BTNL2: variants seen among roughly 807,000 people sequenced by gnomAD.
The protein encoded by BTNL2 is butyrophilin-like protein 2.
In BTNL2, 46 loss-of-function variants were observed where a neutral mutation model predicts 46.8. That is an observed-to-expected ratio of 0.98 (90% CI 0.78 to 1.26). The LOEUF is 1.26. BTNL2 is among the 50% of genes most tolerant of loss of function. The pLI is 0.00. For synonymous variants in BTNL2, 226 were observed against 229.1 expected (o/e 0.99, Z 0.12); for missense variants, 461 against 592.6 (o/e 0.78, Z 2.31).
In BTNL2 at chr6:32,396,204, T is replaced by C; in HGVS notation, c.913A>G (p.Met305Val). The part of the protein sequence containing the change: ...MDGDHVAGEQ[M>V]AEYRGRTVLV... ...ACAGTCCTCCCTCTGTACTCTGCCA[T>C]CTGCTCTCCAGCCACATGGTCCCCA... Residue 305 changes from methionine (M) to valine (V), a missense_variant, in exon 5 of 8, where the codon ATG becomes GTG. Coordinates refer to ENST00000454136, the MANE Select transcript of BTNL2 (RefSeq NM_001304561.2). This position sits in a 1 kb window ranked among gnomAD's most constrained non-coding sequence, Gnocchi z 4.4. 2 of 1,613,092 alleles carry C rather than the reference T, an allele frequency of 1.2e-6. No individual in the cohort carries two copies. The highest frequency in any genetic ancestry group is 1.7e-6 in the Non-Finnish European group (2 of 1,180,042).
In BTNL2 at chr6:32,403,000, G is replaced by C. The variant is rs1265838205; in HGVS notation, c.644C>G (p.Ser215Cys). 1 of 1,612,956 alleles carries C rather than the reference G, an allele frequency of 6.2e-7. No homozygotes were observed. Among genetic ancestry groups the C allele is most frequent in the Non-Finnish European group, 8.5e-7 (1 of 1,180,030 alleles). The change falls in exon 3 of 8, where the codon TCT becomes TGT. Residue 215 changes from serine to cysteine, a missense_variant. Ser to Cys is a moderately radical substitution (Grantham distance 112). Transcript: ENST00000454136. Reference sequence around the variant, plus strand: ...GGGGTTGTGGACCAAGCAGGACACAGACTCTGCAGAGGCGTTCCTGACCAC... The same window carrying C: ...GGGGTTGTGGACCAAGCAGGACACACACTCTGCAGAGGCGTTCCTGACCAC... ...TLVVRNASAE[S>C]VSCLVHNPVL...
rs1053150430 is a variant in BTNL2 at position 32,394,368 on chromosome 6, A to G, written c.1361-311T>C. The stretch of plus-strand genomic sequence containing the variant: ...CTCAAGCCGCAACCATGAAGATGGT[A>G]TTAATAAAAATCAGTTTCTAATCCA... On this transcript the variant is annotated intron_variant, in intron 6 of 7. Transcript: ENST00000454136. This position sits in a 1 kb window ranked among gnomAD's most constrained non-coding sequence, Gnocchi z 4.6. Among the ~76,000 whole-genome samples the G allele has an allele frequency of 2.0e-5, 3 of 152,260 alleles. No homozygotes were observed. Among genetic ancestry groups the G allele is most frequent in the Non-Finnish European group, 4.4e-5 (3 of 68,048 alleles).
intron 5 of BTNL2, 63 bp from the exon 6 acceptor site, chr6:32,395,088 C>T (rs1562246601): frequency 4.2e-5 from 62 of 1,483,850 alleles, no homozygotes; most frequent in Non-Finnish European, 5.6e-5. Flanking sequence ...GCAGCAATTT[C>T]ACTGGGAGGA....
intron 4 of BTNL2, 84 bp downstream of exon 4, chr6:32,401,701 A>G (rs2150317433): frequency 4.5e-6 from 6 of 1,342,980 alleles, no homozygotes; most frequent in South Asian, 1.4e-5. Flanking sequence ...CCTCTGGGTC[A>G]CATGGTCTCG....
At position 32,402,955 on chromosome 6, in the gene BTNL2, C is replaced by T. The variant is rs1776873491; in HGVS notation, c.689G>A (p.Gly230Glu). The T allele has an allele frequency of 1.2e-6, 2 of 1,612,928 alleles. No individual in the cohort carries two copies. The highest frequency in any genetic ancestry group is 8.5e-7 in the Non-Finnish European group (1 of 1,179,934). ...VHNPVLTEEK[G>E]SVISLPEKLQ... ...CTGACCTGGGAGGCTGATGACCGAC[C>T]CCTTCTCCTCAGTGAGGACGGGGTT... The change falls in exon 3 of 8, where the codon GGG becomes GAG. Residue 230 changes from glycine (G) to glutamate (E), a missense_variant. By Grantham distance (98) the Gly-to-Glu change is moderately conservative. Coordinates refer to ENST00000454136, the MANE Select transcript of BTNL2 (RefSeq NM_001304561.2).
In BTNL2 at chr6:32,407,041, C is replaced by T. The variant is rs145043159; in HGVS notation, c.79+4G>A. The stretch of plus-strand genomic sequence containing the variant: ...TATACAGTAAAGGGAGAAGGGAATC[C>T]TACCTGACTGCTTCATTGTCAGCAG... On this transcript the variant is annotated splice_donor_region_variant and intron_variant, in intron 1 of 7. Coordinates refer to ENST00000454136, the MANE Select transcript of BTNL2 (RefSeq NM_001304561.2). 2.0e-4 allele frequency: 324 copies of T among 1,612,470 alleles called. 1 individual carries two copies. In the African/African-American group the frequency reaches 2.8e-3, roughly 14 times the overall value.
At chr6:32,405,811 T>TG (rs1562261130) in intron 1 of BTNL2, among the ~76,000 whole-genome samples, 2 of 124,954 alleles carry the variant, frequency 1.6e-5, no homozygotes, top group African/African-American at 5.6e-5. Context: ...AAAACTGTTT[T>TG]TTTTTTGTTT....
intron 1 of BTNL2, chr6:32,405,535 C>T (rs10947262): frequency 0.12 from 65,231 of 535,802 alleles, 5,447 homozygotes; most frequent in East Asian, 0.35. Context: ...CTATGTGATT[C>T]GGTGGCAAAT....
chr6:32,403,754 C>T (rs965981586), intron 2 of BTNL2: 1 of 155,354 alleles, frequency 6.4e-6, no homozygotes, highest in Non-Finnish European at 1.4e-5. Context: ...TGCGAATCTC[C>T]ACGAGGCGTT....
In BTNL2 at chr6:32,394,920, C is replaced by A; in HGVS notation, c.1184G>T (p.Arg395Met). The A allele has an allele frequency of 6.2e-7, 1 of 1,614,200 alleles. No homozygotes were observed. Among genetic ancestry groups the A allele is most frequent in the Non-Finnish European group, 8.5e-7 (1 of 1,180,022 alleles). ...TGGTATCGTCTTTCCTTCCATGTCC[C>A]TCCATGGCACGTGGGGCTGTGGGAA... ...GWFPQPHVPW[R>M]DMEGKTIPSS... The change falls in exon 6 of 8, where the codon AGG (arginine) becomes ATG (methionine). Residue 395 changes from arginine (R) to methionine (M), a missense_variant. Arg to Met is a moderately conservative substitution (Grantham distance 91, BLOSUM62 -1). Transcript: ENST00000454136. This position sits in a 1 kb window ranked among gnomAD's most constrained non-coding sequence, Gnocchi z 4.6.
chr6:32,396,118 A>G lies in BTNL2; in HGVS notation c.999T>C (p.Pro333=), dbSNP rs767045967. Residue 333 remains proline, a synonymous_variant, in exon 5 of 8, where the codon CCT becomes CCC. Coordinates refer to ENST00000454136, the MANE Select transcript of BTNL2 (RefSeq NM_001304561.2). The surrounding 1 kb of genome is among the most constrained non-coding windows in gnomAD (Gnocchi z 4.4). ...RLTLQILSAR[P]SDDGQYRCLF... is the part of the protein sequence containing the mutation. The stretch of plus-strand genomic sequence containing the variant: ...GGCAGCGGTACTGCCCGTCGTCCGA[A>G]GGTCTGGCACTGAGTATCTGCAGGG... 2 of 1,613,000 alleles carry G rather than the reference A, an allele frequency of 1.2e-6. No individual in the cohort carries two copies. Among genetic ancestry groups the G allele is most frequent in the African/African-American group, 2.7e-5 (2 of 74,938 alleles).
At chr6:32,398,400 G>C (rs545312229) in intron 4 of BTNL2, among the ~76,000 whole-genome samples, 11 of 152,246 alleles carry the variant, frequency 7.2e-5, no homozygotes, top group African/African-American at 2.4e-4. Context: ...TTCCATTCCA[G>C]GTAACAGTTG....
chr6:32,404,790 C>A, intron 2 of BTNL2, 149 bp downstream of exon 2: 1 of 755,904 alleles, frequency 1.3e-6, no homozygotes, highest in Non-Finnish European at 2.1e-6. Flanking sequence ...GACTCCAGAA[C>A]CACTTATTTT....
chr6:32,404,003 G>T (rs1383736004), intron 2 of BTNL2, among the ~76,000 whole-genome samples: 1 of 152,050 alleles, frequency 6.6e-6, no homozygotes, highest in Admixed American at 6.5e-5. Context: ...AAATGTTCCT[G>T]ATATTGAAAT....
At position 32,396,066 on chromosome 6, in the gene BTNL2, C is replaced by T. The variant is rs1776427287; in HGVS notation, c.1051G>A (p.Glu351Lys). The stretch of plus-strand genomic sequence containing the variant: ...ACCACCTTCAGATCCAAACTGGCCT[C>T]CTGGTAGACATCATCTTTTTCAAAA... ...CLFEKDDVYQ[E>K]ASLDLKVVSL... The change falls in exon 5 of 8, where the codon GAG (glutamate) becomes AAG (lysine). Residue 351 changes from glutamate (E) to lysine (K), a missense_variant. By Grantham distance (56) the Glu-to-Lys change is moderately conservative (BLOSUM62 1). Transcript: ENST00000454136. The surrounding 1 kb of genome is among the most constrained non-coding windows in gnomAD (Gnocchi z 4.4). 6.2e-7 allele frequency: 1 copy of T among 1,612,952 alleles called. No homozygotes were observed. Among genetic ancestry groups the T allele is most frequent in the Non-Finnish European group, 8.5e-7 (1 of 1,179,948 alleles).
chr6:32,401,749 T>C, intron 4 of BTNL2, 36 bp downstream of exon 4: 3 of 1,590,548 alleles, frequency 1.9e-6, no homozygotes, highest in East Asian at 2.2e-5. Context: ...GGGCAGAGGC[T>C]CCCTCCACAG....
Position 32,396,642 on chromosome 6 carries a change from T to A in BTNL2, c.731-256A>T, listed in dbSNP as rs140620219. Reference sequence around the variant, plus strand: ...GAATCCCTACCTGCTTCTACCTGTATTTTTTTCAGTTTACAGACCAATAAT... The same window carrying A: ...GAATCCCTACCTGCTTCTACCTGTAATTTTTTCAGTTTACAGACCAATAAT... On this transcript the variant is annotated intron_variant, in intron 4 of 7. Transcript: ENST00000454136. The surrounding 1 kb of genome is among the most constrained non-coding windows in gnomAD (Gnocchi z 4.4). Among the ~76,000 whole-genome samples the A allele has an allele frequency of 5.3e-3, 810 of 152,222 alleles. 9 individuals are homozygous for A. Among genetic ancestry groups the A allele is most frequent in the African/African-American group, 0.018 (765 of 41,530 alleles).
At position 32,394,949 on chromosome 6, in the gene BTNL2, C is replaced by T; in HGVS notation, c.1155G>A (p.Gly385=). The part of the protein sequence containing the change: ...GEMQPMCSSD[G]WFPQPHVPWR... Reference sequence around the variant, plus strand: ...ATGGCACGTGGGGCTGTGGGAACCACCCATCTGAAGAGCACATCGGCTGCA... The same window carrying T: ...ATGGCACGTGGGGCTGTGGGAACCATCCATCTGAAGAGCACATCGGCTGCA... Residue 385 remains glycine, a synonymous_variant, in exon 6 of 8, where the codon GGG becomes GGA. Transcript: ENST00000454136. The surrounding 1 kb of genome is among the most constrained non-coding windows in gnomAD (Gnocchi z 4.6). 3 of 1,614,142 alleles carry T rather than the reference C, an allele frequency of 1.9e-6. No individual in the cohort carries two copies. Among genetic ancestry groups the T allele is most frequent in the Non-Finnish European group, 1.7e-6 (2 of 1,180,002 alleles).
chr6:32,394,472 G>A lies in BTNL2; in HGVS notation c.1360+272C>T, dbSNP rs1776321548. Among the ~76,000 whole-genome samples, 1 of 152,136 alleles carries A rather than the reference G, an allele frequency of 6.6e-6. No homozygotes were observed. The stretch of plus-strand genomic sequence containing the variant: ...TCACATCAGAAGAAGAGAATTTAAA[G>A]AGAGAGAGTGAAAACAGGGTCAATT... On this transcript the variant is annotated intron_variant, in intron 6 of 7. Coordinates refer to ENST00000454136, the MANE Select transcript of BTNL2 (RefSeq NM_001304561.2). The surrounding 1 kb of genome is among the most constrained non-coding windows in gnomAD (Gnocchi z 4.6).
Sources: allele counts gnomAD v4.1 joint callset (sites outside exome capture counted in the v4.1 genomes callset), GRCh38; gene constraint gnomAD v4.1.1; non-coding constraint Gnocchi (gnomAD v3.1); transcripts MANE v1.5; gene names NCBI Gene and HGNC (gene_info 2026-07-23, HGNC 2026-07-21).